Variants in GLIS3 observed in about 807,000 individuals in gnomAD.
GLIS3 encodes the protein zinc finger protein GLIS3.
Under a neutral mutation model 78.6 loss-of-function variants are expected in GLIS3, and 53 were observed. That is an observed-to-expected ratio of 0.67 (90% CI 0.54 to 0.85). The LOEUF (loss-of-function observed/expected upper bound fraction) is 0.85. Ranked by LOEUF, GLIS3 falls within the 40% of genes least tolerant of loss-of-function variation. The probability of loss-of-function intolerance (pLI) is 0.00; values close to 1 mark genes in which losing one functional copy is unlikely to be tolerated. For missense variants in GLIS3, 1,703 were observed against 1,231.1 expected (o/e 1.38, Z -5.74); for synonymous variants, 684 against 509.9 (o/e 1.34, Z -4.60).
intron 2 of GLIS3, among the ~76,000 whole-genome samples, chr9:4,170,741 CCTGTATGTTCAGG>C (rs942350788): frequency 2.2e-4 from 34 of 152,284 alleles, no homozygotes; most frequent in African/African-American, 8.2e-4. Context: ...TCTGACTTTT[CCTGTATGTTCAGG>C]GTGTGTGTTT....
chr9:4,257,113 C>G (rs191832047), intron 2 of GLIS3, among the ~76,000 whole-genome samples: 33 of 152,224 alleles, frequency 2.2e-4, no homozygotes, highest in Non-Finnish European at 3.8e-4. Flanking sequence ...ACCACAACTT[C>G]TTTATCCATT....
At chr9:4,046,469 G>C (rs764642718) in intron 4 of GLIS3, among the ~76,000 whole-genome samples, 40 of 152,184 alleles carry the variant, frequency 2.6e-4, no homozygotes, top group Non-Finnish European at 2.5e-4. Context: ...GGGGCTGAGA[G>C]ATACATGACT....
chr9:3,986,066 T>C (rs767577831), intron 4 of GLIS3, among the ~76,000 whole-genome samples: 12 of 152,218 alleles, frequency 7.9e-5, no homozygotes, highest in Non-Finnish European at 1.8e-4. Flanking sequence ...AAGTCTTCTT[T>C]AGTTAAATTA....
chr9:4,410,210 C>G, the GLIS3 span, among the ~76,000 whole-genome samples: 1 of 151,542 alleles, frequency 6.6e-6, no homozygotes, highest in African/African-American at 2.4e-5. Flanking sequence ...CTGCTGGCCT[C>G]AAGCGATCCA....
At chr9:4,260,053 A>G (rs1025420635) in intron 2 of GLIS3, among the ~76,000 whole-genome samples, 2 of 137,976 alleles carry the variant, frequency 1.4e-5, no homozygotes, top group Non-Finnish European at 3.2e-5. Context: ...AGGTGGTTCT[A>G]TAGAAGGAAC....
intron 6 of GLIS3, among the ~76,000 whole-genome samples, chr9:3,900,295 A>G (rs1408964270): frequency 1.3e-5 from 2 of 152,212 alleles, no homozygotes; most frequent in Admixed American, 6.5e-5. Context: ...TGAATTATCA[A>G]AAACTTAAAA....
At chr9:4,272,739 G>C (rs1826629615) in intron 2 of GLIS3, among the ~76,000 whole-genome samples, 1 of 152,126 alleles carries the variant, frequency 6.6e-6, no homozygotes, top group Non-Finnish European at 1.5e-5. Context: ...CTTATATGAG[G>C]CTAATCCTTT....
At chr9:3,885,221 A>C (rs1821992873) in intron 7 of GLIS3, among the ~76,000 whole-genome samples, 1 of 152,172 alleles carries the variant, frequency 6.6e-6, no homozygotes, top group Non-Finnish European at 1.5e-5. Flanking sequence ...GAAAAGAAGG[A>C]AGGCAAGGAA....
chr9:4,345,864 C>G (rs1357015384), intron 2 of GLIS3, among the ~76,000 whole-genome samples: 1 of 152,064 alleles, frequency 6.6e-6, no homozygotes, highest in African/African-American at 2.4e-5. Flanking sequence ...GTCTTTTTTT[C>G]TTGTTGTTTT....
At chr9:4,353,682 G>C in the GLIS3 span, among the ~76,000 whole-genome samples, 3 of 152,188 alleles carry the variant, frequency 2.0e-5, no homozygotes, top group Non-Finnish European at 2.9e-5. Flanking sequence ...TCTCGAGATA[G>C]AGCCAGATCC....
intron 2 of GLIS3, among the ~76,000 whole-genome samples, chr9:4,214,865 C>T (rs1166278471): frequency 6.6e-6 from 1 of 152,144 alleles, no homozygotes; most frequent in Admixed American, 6.5e-5. Flanking sequence ...CAAGGCTGGT[C>T]AATGGCATAT....
At chr9:4,196,330 G>C (rs975122111) in intron 2 of GLIS3, among the ~76,000 whole-genome samples, 3 of 152,036 alleles carry the variant, frequency 2.0e-5, no homozygotes, top group Non-Finnish European at 4.4e-5. Flanking sequence ...CCAATCAGCA[G>C]GATGTGGGTG....
intron 4 of GLIS3, among the ~76,000 whole-genome samples, chr9:4,036,732 G>T (rs1010633928): frequency 6.6e-6 from 1 of 152,140 alleles, no homozygotes; most frequent in Non-Finnish European, 1.5e-5. Context: ...TCCCACCATA[G>T]TGATTACTAG....
chr9:4,380,151 T>C, the GLIS3 span, among the ~76,000 whole-genome samples: 3 of 152,226 alleles, frequency 2.0e-5, no homozygotes, highest in African/African-American at 7.2e-5. Context: ...TGTATACAGC[T>C]AGGAGAAGGA....
the GLIS3 span, among the ~76,000 whole-genome samples, chr9:4,485,970 C>A: frequency 2.0e-5 from 3 of 152,196 alleles, no homozygotes; most frequent in Admixed American, 1.3e-4. Flanking sequence ...AATCCACCCC[C>A]CTTGGCCTCC....
At chr9:4,066,242 C>G (rs1310540755) in intron 4 of GLIS3, among the ~76,000 whole-genome samples, 1 of 152,178 alleles carries the variant, frequency 6.6e-6, no homozygotes, top group Non-Finnish European at 1.5e-5. Flanking sequence ...GAGACTCCAG[C>G]AGATCATTAA....
Position 4,320,811 on chromosome 9 carries a change from T to C in GLIS3, n.265-10283A>G, listed in dbSNP as rs554140562. Among the ~76,000 whole-genome samples, 3 of 152,280 alleles carry C rather than the reference T, an allele frequency of 2.0e-5. No individual in the cohort carries two copies. The East Asian group carries it at 5.8e-4, about 30-fold the overall frequency. ...ATTCCAAGCACCCAACATTGTATTA[T>C]GTCTTAAGAAGGCTTCCTAAGCGGT... On this transcript the variant is annotated intron_variant and non_coding_transcript_variant, in intron 2 of 4. Coordinates refer to the GLIS3 transcript ENST00000471664.
chr9:4,401,812 T>C, the GLIS3 span, among the ~76,000 whole-genome samples: 5 of 152,096 alleles, frequency 3.3e-5, no homozygotes, highest in African/African-American at 1.2e-4. Context: ...CCCAGGCTGG[T>C]GGCCTTGGGC....
Position 4,020,983 on chromosome 9 carries a change from G to C in GLIS3, c.1711-83794C>G, listed in dbSNP as rs114230169. ...GCGCTAGAGAAAGTAGTCGGTCTTA[G>C]GGATTGAAAAAGACACAGTTCAGAT... On this transcript the variant is annotated intron_variant, in intron 4 of 10. Coordinates refer to ENST00000381971, the MANE Select transcript of GLIS3 (RefSeq NM_001042413.2). Among the ~76,000 whole-genome samples, 1,328 of 152,298 alleles carry C rather than the reference G, an allele frequency of 8.7e-3. 19 individuals carry two copies. Among genetic ancestry groups the C allele is most frequent in the African/African-American group, 0.029 (1,215 of 41,554 alleles).
Sources: gnomAD v4.1 joint callset for allele counts (sites outside exome capture counted in the v4.1 genomes callset) on GRCh38, gnomAD v4.1.1 for gene constraint, MANE v1.5 for transcripts, NCBI Gene and HGNC (gene_info 2026-07-23, HGNC 2026-07-21) for gene names.